TRPC1: variants seen among roughly 807,000 people sequenced by gnomAD.
TRPC1 encodes transient receptor potential cation channel subfamily C member 1.
A neutral mutation model predicts 88.2 loss-of-function variants in TRPC1; 42 were observed. That is an observed-to-expected ratio of 0.48 (90% CI 0.37 to 0.62). The LOEUF (loss-of-function observed/expected upper bound fraction) is 0.62. Ranked by LOEUF, TRPC1 falls within the 20% of genes least tolerant of loss-of-function variation. The probability of loss-of-function intolerance (pLI) is 0.00; values close to 1 mark genes in which losing one functional copy is unlikely to be tolerated. For synonymous variants in TRPC1, 288 were observed against 331.8 expected (o/e 0.87, Z 1.43); for missense variants, 699 against 957.3 (o/e 0.73, Z 3.56).
intron 1 of TRPC1, among the ~76,000 whole-genome samples, chr3:142,726,587 A>G (rs1039310455): frequency 6.6e-6 from 1 of 152,216 alleles, no homozygotes; most frequent in Non-Finnish European, 1.5e-5. Context: ...AGGTATGTCT[A>G]AACAACTTCT....
intron 9 of TRPC1, chr3:142,801,074 C>T (rs1410833322): frequency 6.6e-6 from 1 of 151,944 alleles, no homozygotes; most frequent in Non-Finnish European, 1.5e-5. Context: ...TATCCTTTAA[C>T]AAAATAGAAA....
At chr3:142,753,605 C>T (rs1934855614) in intron 4 of TRPC1, among the ~76,000 whole-genome samples, 1 of 150,634 alleles carries the variant, frequency 6.6e-6, no homozygotes, top group African/African-American at 2.4e-5. Context: ...TCTCTACTAA[C>T]AGTACAAAAA....
intron 7 of TRPC1, 41 bp downstream of exon 7, chr3:142,785,081 GC>G: frequency 6.7e-7 from 1 of 1,491,954 alleles, no homozygotes. Context: ...TCTTTATTTA[GC>G]CCACTGATTC....
In TRPC1 at chr3:142,784,716, TCTAA is replaced by T. The variant is rs775548212; in HGVS notation, c.976_979del (p.Asn326AlafsTer5). 6.2e-7 allele frequency: 1 copy of T among 1,611,196 alleles called. No homozygotes were observed. The highest frequency in any genetic ancestry group is 1.3e-5 in the African/African-American group (1 of 74,922). On this transcript the variant is annotated frameshift_variant, in exon 7 of 13. Transcript: ENST00000476941. LOFTEE classifies it high-confidence loss of function. Reference sequence around the variant, plus strand: ...ATGTCCTTTTCAGTTTGTCTCCCAGTCTAACTGCCAGCAGTTCCTGAACACTGTT... The same window carrying T: ...ATGTCCTTTTCAGTTTGTCTCCCAGTCTGCCAGCAGTTCCTGAACACTGTT...
chr3:142,731,374 ATTTTTTTTTTTTTTT>A (rs59613066), intron 1 of TRPC1, among the ~76,000 whole-genome samples: 2 of 79,524 alleles, frequency 2.5e-5, no homozygotes, highest in Admixed American at 2.8e-4. Context: ...ATATGTTTTG[ATTTTTTTTTTTTTTT>A]TTTTTTTTTT....
rs764612300 is a variant in TRPC1, at chr3:142,777,780, A to G, written c.764+17A>G. The G allele has an allele frequency of 6.0e-5, 96 of 1,600,430 alleles. No homozygotes were observed. The highest frequency in any genetic ancestry group is 7.9e-5 in the Non-Finnish European group (93 of 1,174,026). ...GGAATTCAGGTGGGAATGAATGCAAATTATATAATGTATTTTGTTTTAAAT... is the reference window on the plus strand; with the variant it reads ...GGAATTCAGGTGGGAATGAATGCAAGTTATATAATGTATTTTGTTTTAAAT... On this transcript the variant is annotated intron_variant, in intron 5 of 12. Coordinates refer to ENST00000476941, the MANE Select transcript of TRPC1 (RefSeq NM_001251845.2).
intron 9 of TRPC1, among the ~76,000 whole-genome samples, chr3:142,795,022 G>GA (rs1936409551): frequency 1.3e-5 from 2 of 151,812 alleles, no homozygotes; most frequent in Non-Finnish European, 1.5e-5. Context: ...GTAAAAAAAA[G>GA]AAAAAAACAC....
Position 142,806,256 on chromosome 3 carries a change from C to A in TRPC1, c.*21C>A. The A allele has an allele frequency of 1.9e-6, 3 of 1,566,914 alleles. No individual in the cohort carries two copies. The highest frequency in any genetic ancestry group is 2.6e-6 in the Non-Finnish European group (3 of 1,146,708). On this transcript the variant is annotated 3_prime_UTR_variant, in exon 13 of 13. Coordinates refer to ENST00000476941, the MANE Select transcript of TRPC1 (RefSeq NM_001251845.2). ...ATTAACCATTTTCTAAATCATGGAG[C>A]GAATAATTTTCAATAACAGATCCAA...
At chr3:142,729,298 T>C (rs1411425337) in intron 1 of TRPC1, among the ~76,000 whole-genome samples, 1 of 152,226 alleles carries the variant, frequency 6.6e-6, no homozygotes, top group Non-Finnish European at 1.5e-5. Context: ...AAACTATACT[T>C]ATCAAGCTGT....
In TRPC1 at chr3:142,780,883, T is replaced by C; in HGVS notation, c.814T>C (p.Leu272=). ...ARQCKMFAKD[L]LAQARNSREL... ...GCAATGTAAAATGTTTGCTAAGGAT[T>C]TACTTGCACAAGCCCGGAATTCTCG... The change falls in exon 6 of 13, where the codon TTA becomes CTA. Residue 272 remains leucine (L), a synonymous_variant. Coordinates refer to ENST00000476941, the MANE Select transcript of TRPC1 (RefSeq NM_001251845.2). The C allele has an allele frequency of 6.2e-7, 1 of 1,613,378 alleles. No individual in the cohort carries two copies. Among genetic ancestry groups the C allele is most frequent in the South Asian group, 1.1e-5 (1 of 90,936 alleles).
chr3:142,749,433 A>G (rs1934672689), intron 4 of TRPC1, among the ~76,000 whole-genome samples: 1 of 152,212 alleles, frequency 6.6e-6, no homozygotes, highest in South Asian at 2.1e-4. Context: ...CCTTCAGGAA[A>G]TATTCCAAAA....
At chr3:142,803,679 A>G (rs1003524690) in intron 10 of TRPC1, among the ~76,000 whole-genome samples, 4 of 152,180 alleles carry the variant, frequency 2.6e-5, no homozygotes, top group African/African-American at 2.4e-5. Context: ...GAAGGTTTTG[A>G]GCAGAGGTGT....
intron 4 of TRPC1, among the ~76,000 whole-genome samples, chr3:142,763,987 CAT>C (rs1935293242): frequency 3.8e-5 from 1 of 26,208 alleles, no homozygotes; most frequent in African/African-American, 2.8e-4. Flanking sequence ...TATATATACA[CAT>C]ACATACATAC....
chr3:142,793,992 C>A, intron 9 of TRPC1: 2 of 749,404 alleles, frequency 2.7e-6, no homozygotes, highest in Non-Finnish European at 3.3e-6. Context: ...TACTGTATAC[C>A]TCTTGGGAAT....
intron 4 of TRPC1, among the ~76,000 whole-genome samples, chr3:142,771,624 T>C (rs1288770865): frequency 6.6e-6 from 1 of 152,234 alleles, no homozygotes; most frequent in Non-Finnish European, 1.5e-5. Context: ...ATTATTACTT[T>C]ACCATCTCTA....
At chr3:142,750,396 A>G (rs1490186506) in intron 4 of TRPC1, among the ~76,000 whole-genome samples, 1 of 152,360 alleles carries the variant, frequency 6.6e-6, no homozygotes, top group African/African-American at 2.4e-5. Context: ...AATGGTGATC[A>G]TTAAAAAGTC....
chr3:142,803,639 A>T (rs1037280218), intron 10 of TRPC1, among the ~76,000 whole-genome samples: 5 of 151,978 alleles, frequency 3.3e-5, no homozygotes, highest in African/African-American at 1.2e-4. Flanking sequence ...CCTTGTAAGG[A>T]TTTTGAGTTG....
intron 4 of TRPC1, among the ~76,000 whole-genome samples, chr3:142,751,040 T>A (rs984599740): frequency 6.6e-6 from 1 of 152,248 alleles, no homozygotes; most frequent in African/African-American, 2.4e-5. Flanking sequence ...TTTAAGCTGT[T>A]ACTCCAAAAT....
Position 142,724,740 on chromosome 3 carries a change from T to C in TRPC1, c.172+9T>C, listed in dbSNP as rs1452309996. On this transcript the variant is annotated intron_variant, in intron 1 of 12. Transcript: ENST00000476941. This position sits in a 1 kb window ranked among gnomAD's most constrained non-coding sequence, Gnocchi z 5.6. Reference sequence around the variant, plus strand: ...GCTGGCGTGCGACAAGGGTGAGAGTTAGGCCCCTTTCTCCTCTGGACGCCC... The same window carrying C: ...GCTGGCGTGCGACAAGGGTGAGAGTCAGGCCCCTTTCTCCTCTGGACGCCC... 6.4e-7 allele frequency: 1 copy of C among 1,559,182 alleles called. No homozygotes were observed. The highest frequency in any genetic ancestry group is 1.4e-5 in the African/African-American group (1 of 72,284).
Sources: gnomAD v4.1 joint callset for allele counts (sites outside exome capture counted in the v4.1 genomes callset) on GRCh38, gnomAD v4.1.1 for gene constraint, Gnocchi (gnomAD v3.1) non-coding constraint, MANE v1.5 for transcripts, NCBI Gene and HGNC (gene_info 2026-07-23, HGNC 2026-07-21) for gene names.